Variants in FAT3 observed in about 807,000 individuals in gnomAD.
The protein encoded by FAT3 is FAT atypical cadherin 3.
Under a neutral mutation model 310.2 loss-of-function variants are expected in FAT3, and 95 were observed. That is an observed-to-expected ratio of 0.31 (90% CI 0.26 to 0.36). The LOEUF is 0.36. Among genes scored for constraint, FAT3 ranks in the 10% least tolerant of loss-of-function variants. FAT3 has a pLI of 1.00. For synonymous variants in FAT3, 2,314 were observed against 2,192.9 expected (o/e 1.06, Z -1.54); for missense variants, 5,408 against 5,715.6 (o/e 0.95, Z 1.74).
chr11:92,389,169 G>C (rs765384886), intron 2 of FAT3, among the ~76,000 whole-genome samples: 4 of 152,126 alleles, frequency 2.6e-5, no homozygotes, highest in African/African-American at 9.7e-5. Flanking sequence ...CTAACACACA[G>C]AGCATTGAAA....
rs116978896 is a variant in FAT3 at position 92,610,685 on chromosome 11, C to T, written c.3607+85737C>T. On this transcript the variant is annotated intron_variant, in intron 3 of 27. Coordinates refer to ENST00000525166, the MANE Select transcript of FAT3 (RefSeq NM_001367949.2). ...TTTTATATGATCCCAAAGCATCCAC[C>T]GTTTCTTTTTTGCACTTATCATAAT... Among the ~76,000 whole-genome samples the T allele has an allele frequency of 1.3e-3, 199 of 152,236 alleles. 5 individuals are homozygous for T. In the East Asian group the frequency reaches 0.031, roughly 24 times the overall value.
At chr11:92,314,157 T>C (rs1947376859) in intron 1 of FAT3, 1 of 270,566 alleles carries the variant, frequency 3.7e-6, no homozygotes, top group Non-Finnish European at 5.7e-6. Flanking sequence ...TGTGACATTC[T>C]CAAAAGTGAA....
At chr11:92,246,304 G>A (rs1392645095) in intron 1 of FAT3, among the ~76,000 whole-genome samples, 1 of 150,366 alleles carries the variant, frequency 6.7e-6, no homozygotes, top group Non-Finnish European at 1.5e-5. Flanking sequence ...AGAGGAGAGG[G>A]CTGGTAGAAA....
At chr11:92,361,325 A>G (rs1023986963) in intron 2 of FAT3, among the ~76,000 whole-genome samples, 2 of 152,174 alleles carry the variant, frequency 1.3e-5, no homozygotes, top group Non-Finnish European at 2.9e-5. Flanking sequence ...TGGAGCAGAA[A>G]AGAATATTCC....
chr11:92,233,895 A>G (rs1008035913), intron 1 of FAT3, among the ~76,000 whole-genome samples: 5 of 150,626 alleles, frequency 3.3e-5, no homozygotes, highest in African/African-American at 2.5e-5. Context: ...AGCAGTGCAC[A>G]TGTTGTGTTC....
At chr11:92,703,276 A>G (rs1944158824) in intron 4 of FAT3, among the ~76,000 whole-genome samples, 1 of 152,210 alleles carries the variant, frequency 6.6e-6, no homozygotes, top group African/African-American at 2.4e-5. Flanking sequence ...CCTTTGGTAA[A>G]GCATCTGCTA....
intron 3 of FAT3, among the ~76,000 whole-genome samples, chr11:92,620,727 T>A (rs1330778691): frequency 1.3e-5 from 2 of 152,246 alleles, no homozygotes; most frequent in African/African-American, 2.4e-5. Context: ...TTGATTTTTT[T>A]AAAGTTATTT....
At chr11:92,343,250 G>T (rs1948316058) in intron 1 of FAT3, among the ~76,000 whole-genome samples, 1 of 152,110 alleles carries the variant, frequency 6.6e-6, no homozygotes, top group African/African-American at 2.4e-5. Flanking sequence ...GTATTATTAT[G>T]ATGAAAAAGG....
At chr11:92,688,077 C>G (rs368211923) in intron 3 of FAT3, among the ~76,000 whole-genome samples, 8 of 151,814 alleles carry the variant, frequency 5.3e-5, no homozygotes, top group Admixed American at 2.6e-4. Context: ...GATGGTGCAC[C>G]GGTAGTCTCA....
At chr11:92,649,877 A>G (rs55642130) in intron 3 of FAT3, among the ~76,000 whole-genome samples, 286 of 24,018 alleles carry the variant, frequency 0.012, 1 homozygote, top group African/African-American at 0.04. Flanking sequence ...GTATGTTCAT[A>G]TATATATATA....
intron 3 of FAT3, among the ~76,000 whole-genome samples, chr11:92,678,644 T>G (rs1943369277): frequency 6.6e-6 from 1 of 152,178 alleles, no homozygotes; most frequent in African/African-American, 2.4e-5. Flanking sequence ...TTTTTAATAG[T>G]TGGCCCCTTA....
At chr11:92,290,554 C>A (rs114194116) in intron 1 of FAT3, among the ~76,000 whole-genome samples, 3 of 151,764 alleles carry the variant, frequency 2.0e-5, no homozygotes, top group Admixed American at 1.3e-4. Context: ...GTTAGGAGAT[C>A]GAGACCACCC....
At chr11:92,397,080 T>C (rs907673485) in intron 2 of FAT3, among the ~76,000 whole-genome samples, 1 of 152,182 alleles carries the variant, frequency 6.6e-6, no homozygotes, top group Non-Finnish European at 1.5e-5. Context: ...TTTTTATCAA[T>C]TAATGATAGT....
In FAT3 at chr11:92,799,509, CCTT is replaced by C; in HGVS notation, c.6500_6502del (p.Ser2167del). On this transcript the variant is annotated inframe_deletion, in exon 10 of 28. Transcript: ENST00000525166. The stretch of plus-strand genomic sequence containing the variant: ...CATCCTAGCCAAGGATGGCGGAAAA[CCTT>C]CTTTGTCTACATCTGTGGAGCTTCC... 5.0e-6 allele frequency: 8 copies of C among 1,613,716 alleles called. No individual in the cohort carries two copies. The highest frequency in any genetic ancestry group is 6.8e-6 in the Non-Finnish European group (8 of 1,179,792).
chr11:92,765,130 A>G, intron 6 of FAT3, 41 bp downstream of exon 6: 1 of 1,452,716 alleles, frequency 6.9e-7, no homozygotes, highest in Non-Finnish European at 9.3e-7. Context: ...GCAATGTAAT[A>G]ATTGACTGAA....
intron 2 of FAT3, among the ~76,000 whole-genome samples, chr11:92,387,050 G>A (rs1419096941): frequency 1.3e-5 from 2 of 149,678 alleles, no homozygotes; most frequent in Non-Finnish European, 2.9e-5. Flanking sequence ...AATGCCCAAG[G>A]ATTATGGGAG....
At chr11:92,651,497 ACT>A (rs1285358705) in intron 3 of FAT3, among the ~76,000 whole-genome samples, 5 of 152,196 alleles carry the variant, frequency 3.3e-5, no homozygotes, top group Non-Finnish European at 2.9e-5. Context: ...CCCTTCTGGA[ACT>A]ATGTGTTCCT....
chr11:92,226,128 G>A (rs374919799), intron 1 of FAT3, among the ~76,000 whole-genome samples: 1 of 152,104 alleles, frequency 6.6e-6, no homozygotes, highest in East Asian at 2.0e-4. Flanking sequence ...GGGCGCTGGC[G>A]GGGAGGCAGT....
At chr11:92,650,228 G>A (rs578012998) in intron 3 of FAT3, among the ~76,000 whole-genome samples, 15 of 152,038 alleles carry the variant, frequency 9.9e-5, no homozygotes, top group Non-Finnish European at 1.8e-4. Flanking sequence ...AGGGTTATTT[G>A]TTCTAGCCTC....
Sources: gnomAD v4.1 joint callset for allele counts (sites outside exome capture counted in the v4.1 genomes callset) on GRCh38, gnomAD v4.1.1 for gene constraint, MANE v1.5 for transcripts, NCBI Gene and HGNC (gene_info 2026-07-23, HGNC 2026-07-21) for gene names.